The following PNPLA6 variants were observed in gnomAD, a reference collection of about 807,000 sequenced individuals.
PNPLA6 encodes patatin-like phospholipase domain-containing protein 6.
Under a neutral mutation model 153.7 loss-of-function variants are expected in PNPLA6, and 105 were observed. The ratio of observed to expected loss-of-function variants is 0.68; its 90% CI spans 0.58 to 0.80. The LOEUF (loss-of-function observed/expected upper bound fraction) is 0.80. Ranked by LOEUF, PNPLA6 falls within the 30% of genes least tolerant of loss-of-function variation. The pLI is 0.00. For missense variants in PNPLA6, 1,423 were observed against 1,919.3 expected (o/e 0.74, Z 4.83); for synonymous variants, 825 against 822.2 (o/e 1.00, Z -0.06).
chr19:7,539,890 A>T, intron 3 of PNPLA6, 28 bp from the exon 4 acceptor site: 1 of 1,390,988 alleles, frequency 7.2e-7, no homozygotes, highest in Non-Finnish European at 9.8e-7. Context: ...TGCCCCCCTC[A>T]CCCCCGGCAC....
Position 7,540,507 on chromosome 19 carries a change from A to G in PNPLA6, c.715-123A>G. The G allele has an allele frequency of 9.8e-7, 1 of 1,019,402 alleles. No homozygotes were observed. Among genetic ancestry groups the G allele is most frequent in the Admixed American group, 1.8e-5 (1 of 55,260 alleles). The allele number at this position is 1,019,402 out of a possible 1,614,324, so 63.1% of individuals were successfully genotyped here. On this transcript the variant is annotated intron_variant, in intron 5 of 31. Coordinates refer to ENST00000600737, the MANE Select transcript of PNPLA6 (RefSeq NM_001166114.2). The surrounding 1 kb of genome is among the most constrained non-coding windows in gnomAD (Gnocchi z 6.8). ...ACGATGGGAGATGCCTGCTCGTTGG[A>G]AGGGTTGGTGGGTTCCCCTGAGAAG...
At chr19:7,549,802 T>C (rs929110917) in intron 13 of PNPLA6, 105 bp from the exon 14 acceptor site, 10 of 1,172,470 alleles carry the variant, frequency 8.5e-6, no homozygotes, top group Non-Finnish European at 1.1e-5. Context: ...ATATTTTTCT[T>C]AACCCTTCCT....
Position 7,535,918 on chromosome 19 carries a change from C to T in PNPLA6, c.130C>T (p.Pro44Ser), listed in dbSNP as rs908461148. ...ACGGATTTGCGGTGCGCAGCCAGTG[C>T]CGTTCGTCCCTCAGGTGCTTGGCGT... ...AGRICGAQPV[P>S]FVPQVLGVMI... The change falls in exon 1 of 32, where the codon CCG becomes TCG. Residue 44 changes from proline (P) to serine (S), a missense_variant. Pro to Ser is a moderately conservative substitution (Grantham distance 74). Transcript: ENST00000600737. This position sits in a 1 kb window ranked among gnomAD's most constrained non-coding sequence, Gnocchi z 5.0. 5 of 1,569,038 alleles carry T rather than the reference C, an allele frequency of 3.2e-6. No homozygotes were observed. Among genetic ancestry groups the T allele is most frequent in the Admixed American group, 1.9e-5 (1 of 53,562 alleles).
Position 7,553,821 on chromosome 19 carries a change from ATC to A in PNPLA6, c.2261-48_2261-47del, listed in dbSNP as rs142650080. The A allele has an allele frequency of 1.0e-3, 1,637 of 1,611,602 alleles. 21 individuals carry two copies. The African/African-American group carries it at 0.02, about 19-fold the overall frequency. ...AGGAAGAAGAGGAGGAGGAGGGTTC[ATC>A]TCTCTGGACACAGGTTCGCACCACA... On this transcript the variant is annotated intron_variant, in intron 18 of 31. Transcript: ENST00000600737.
chr19:7,534,708 T>A (rs1334174763), upstream of PNPLA6: 1 of 152,384 alleles, frequency 6.6e-6, no homozygotes, highest in African/African-American at 2.4e-5. Flanking sequence ...TGACCCCGCA[T>A]CCCCACCCAC....
chr19:7,547,810 AATTTTTT>A lies in PNPLA6; in HGVS notation c.1609-2096_1609-2090del, dbSNP rs1169176742. 5.1e-4 allele frequency among the ~76,000 whole-genome samples: 43 copies of A among 83,624 alleles called. 2 individuals are homozygous for A. Among genetic ancestry groups the A allele is most frequent in the African/African-American group, 1.8e-3 (40 of 22,504 alleles). The allele number at this position is 83,624 out of a possible 152,430, so 54.9% of individuals were successfully genotyped here. A position where few individuals can be genotyped will look rare whatever the true frequency, so the allele number is the denominator to read the frequency against. ...ATGCTACCATGCCTGGCTAATTAAA[AATTTTTT>A]TTTTTTTTTTTTTTTTTTTTTTTTT... On this transcript the variant is annotated intron_variant, in intron 13 of 31. Coordinates refer to ENST00000600737, the MANE Select transcript of PNPLA6 (RefSeq NM_001166114.2).
rs372923792 is a variant in PNPLA6, at chr19:7,557,327, G to A, written c.3397+43G>A. On this transcript the variant is annotated intron_variant, in intron 27 of 31. Transcript: ENST00000600737. ...CCACCCGCACACGCAAGCACCTCCC[G>A]CACCACACACACGCACACGCGTGGG... is the stretch of plus-strand genomic sequence containing the variant. The A allele has an allele frequency of 2.3e-5, 28 of 1,207,770 alleles. No individual in the cohort carries two copies. In the African/African-American group the frequency reaches 3.0e-4, roughly 13 times the overall value. The allele number at this position is 1,207,770 out of a possible 1,614,324, so 74.8% of individuals were successfully genotyped here. A position where few individuals can be genotyped will look rare whatever the true frequency, so the allele number is the denominator to read the frequency against.
chr19:7,540,212 G>T lies in PNPLA6; in HGVS notation c.618G>T (p.Arg206=). Residue 206 remains arginine (R), a synonymous_variant, in exon 5 of 32, where the codon CGG becomes CGT. Coordinates refer to ENST00000600737, the MANE Select transcript of PNPLA6 (RefSeq NM_001166114.2). This position sits in a 1 kb window ranked among gnomAD's most constrained non-coding sequence, Gnocchi z 6.8. ...TCTGCCGCCACATGGTCTTCCAGCG[G>T]CTGGGCCAGGGTGACTACGTCTTCC... ...LELCRHMVFQ[R]LGQGDYVFRP... is the part of the protein sequence containing the mutation. 1 of 1,610,318 alleles carries T rather than the reference G, an allele frequency of 6.2e-7. No homozygotes were observed. Among genetic ancestry groups the T allele is most frequent in the Admixed American group, 1.7e-5 (1 of 60,024 alleles).
At chr19:7,542,530 T>C (rs372625390) in intron 10 of PNPLA6, 31 bp from the exon 11 acceptor site, 6 of 1,505,166 alleles carry the variant, frequency 4.0e-6, no homozygotes, top group African/African-American at 1.4e-5. Context: ...CTCATCTTTA[T>C]GGTTTTTGTT....
intron 3 of PNPLA6, 116 bp from the exon 4 acceptor site, chr19:7,539,802 A>C: frequency 1.1e-5 from 6 of 567,816 alleles, no homozygotes; most frequent in South Asian, 1.9e-5. Flanking sequence ...TGATTTGGCC[A>C]GCGGGCCAGA....
intron 1 of PNPLA6, 44 bp downstream of exon 1, chr19:7,536,064 G>T: frequency 6.3e-7 from 1 of 1,577,602 alleles, no homozygotes; most frequent in Non-Finnish European, 8.6e-7. Context: ...TATGGTGGGG[G>T]GCCCAAATGC....
Position 7,555,361 on chromosome 19 carries a change from G to C in PNPLA6, c.2930G>C (p.Gly977Ala). The C allele has an allele frequency of 6.5e-7, 1 of 1,547,358 alleles. No homozygotes were observed. The highest frequency in any genetic ancestry group is 1.9e-5 in the Admixed American group (1 of 51,390). ...ATTGCCCTTGTGCTAGGCGGGGGCGGGGCCAGGTGAGGGCGGGGCTTGCTC... is the reference window on the plus strand; with the variant it reads ...ATTGCCCTTGTGCTAGGCGGGGGCGCGGCCAGGTGAGGGCGGGGCTTGCTC... ...NTIALVLGGG[G>A]ARGCSHIGVL... The change falls in exon 23 of 32, where the codon GGG (glycine) becomes GCG (alanine). Residue 977 changes from glycine (G) to alanine (A), a missense_variant. Physicochemically the swap from Gly to Ala is moderately conservative, Grantham distance 60 (BLOSUM62 0). This residue lies in a region of PNPLA6 where 643 missense variants were observed against 835.2 expected (regional missense o/e 0.77). Coordinates refer to ENST00000600737, the MANE Select transcript of PNPLA6 (RefSeq NM_001166114.2). The surrounding 1 kb of genome is among the most constrained non-coding windows in gnomAD (Gnocchi z 6.3).
At chr19:7,554,810 C>T in intron 21 of PNPLA6, 83 bp from the exon 22 acceptor site, 1 of 1,583,558 alleles carries the variant, frequency 6.3e-7, no homozygotes, top group South Asian at 1.1e-5. Flanking sequence ...TGCACCCTCG[C>T]CATGGGGGTA....
At position 7,561,183 on chromosome 19, in the gene PNPLA6, C is replaced by T. The variant is rs558233; in HGVS notation, c.3914-25C>T. On this transcript the variant is annotated intron_variant, in intron 30 of 31. Transcript: ENST00000600737. ...TGGCAGGCCAGCCCCAATCCCCTCACCTGTGCCCTGCTCCCCGATTCCAGG... is the reference window on the plus strand; with the variant it reads ...TGGCAGGCCAGCCCCAATCCCCTCATCTGTGCCCTGCTCCCCGATTCCAGG... 0.027 allele frequency: 43,269 copies of T among 1,594,462 alleles called. 677 individuals carry two copies. Among genetic ancestry groups the T allele is most frequent in the Middle Eastern group, 0.052 (312 of 6,040 alleles).
Position 7,556,678 on chromosome 19 carries a change from C to G in PNPLA6, c.3234C>G (p.Asn1078Lys). 1 of 1,613,718 alleles carries G rather than the reference C, an allele frequency of 6.2e-7. No homozygotes were observed. Among genetic ancestry groups the G allele is most frequent in the Non-Finnish European group, 8.5e-7 (1 of 1,179,736 alleles). ...AGGACCTGTGGCTGCCTTACTTCAA[C>G]GTGACCACAGATATCACCGCCTCAG... ...QIEDLWLPYF[N>K]VTTDITASAM... is the part of the protein sequence containing the mutation. Residue 1078 changes from asparagine (N) to lysine (K), a missense_variant, in exon 26 of 32, where the codon AAC becomes AAG. By Grantham distance (94) the Asn-to-Lys change is moderately conservative (BLOSUM62 0). This residue lies in a region of PNPLA6 where 643 missense variants were observed against 835.2 expected (regional missense o/e 0.77). Transcript: ENST00000600737.
At chr19:7,547,579 C>T (rs1462976128) in intron 13 of PNPLA6, among the ~76,000 whole-genome samples, 1 of 150,478 alleles carries the variant, frequency 6.6e-6, no homozygotes, top group Non-Finnish European at 1.5e-5. Context: ...AACTATCAAG[C>T]GATCCTTCTG....
Position 7,561,278 on chromosome 19 carries a change from G to A in PNPLA6, c.3984G>A (p.Gly1328=), listed in dbSNP as rs569853991. Residue 1328 remains glycine (G), a synonymous_variant, in exon 31 of 32, where the codon GGG becomes GGA. Coordinates refer to ENST00000600737, the MANE Select transcript of PNPLA6 (RefSeq NM_001166114.2). The part of the protein sequence containing the change: ...AGPDCSRDEG[G]SPEGASPSTA... ...CCGACTGCTCGAGGGATGAAGGGGG[G>A]TCCCCCGAGGGCGCAAGCCCCAGCA... The A allele has an allele frequency of 3.1e-6, 5 of 1,609,860 alleles. No individual in the cohort carries two copies. Among genetic ancestry groups the A allele is most frequent in the African/African-American group, 2.7e-5 (2 of 75,012 alleles).
At chr19:7,553,744 TG>T (rs1374284600) in intron 18 of PNPLA6, 130 bp from the exon 19 acceptor site, 41 of 1,179,372 alleles carry the variant, frequency 3.5e-5, no homozygotes, top group Non-Finnish European at 4.7e-5. Context: ...TTTGGGCAAC[TG>T]GGGGCTGCAG....
chr19:7,543,129 C>T (rs1356527458), intron 13 of PNPLA6, 45 bp downstream of exon 13: 1 of 1,519,454 alleles, frequency 6.6e-7, no homozygotes, highest in Admixed American at 1.7e-5. Flanking sequence ...TGAGATCATT[C>T]CCTATGACTT....
Sources: allele counts gnomAD v4.1 joint callset (sites outside exome capture counted in the v4.1 genomes callset), GRCh38; gene constraint gnomAD v4.1.1; regional missense constraint gnomAD v4.1.1; non-coding constraint Gnocchi (gnomAD v3.1); transcripts MANE v1.5; gene names NCBI Gene and HGNC (gene_info 2026-07-23, HGNC 2026-07-21).